CENPN: variants seen among roughly 807,000 people sequenced by gnomAD.
CENPN encodes interphase centromere complex protein 32.
CENPN carries 36 observed loss-of-function variants against 48.6 expected under a neutral mutation model. The ratio of observed to expected loss-of-function variants is 0.74; its 90% CI spans 0.57 to 0.98. The LOEUF (loss-of-function observed/expected upper bound fraction) is 0.98, where lower values mean the gene tolerates loss of function less well. Among genes scored for constraint, CENPN ranks in the 50% least tolerant of loss-of-function variants. The pLI is 0.00. For synonymous variants in CENPN, 166 were observed against 135.2 expected (o/e 1.23, Z -1.58); for missense variants, 439 against 399.2 (o/e 1.10, Z -0.85).
intron 2 of CENPN, among the ~76,000 whole-genome samples, chr16:81,013,850 T>TAGG (rs945224321): frequency 1.3e-5 from 2 of 152,182 alleles, no homozygotes; most frequent in Admixed American, 1.3e-4. Flanking sequence ...ACTTTAAAAA[T>TAGG]ATACAGTTTA....
In CENPN at chr16:81,014,192, G is replaced by A. The variant is rs1205207677; in HGVS notation, c.217+11G>A. 1 of 1,609,576 alleles carries A rather than the reference G, an allele frequency of 6.2e-7. No individual in the cohort carries two copies. Among genetic ancestry groups the A allele is most frequent in the South Asian group, 1.1e-5 (1 of 91,034 alleles). ...TGTTAGACATCATTTGTAAGTGTCA[G>A]TGATTTGTATTTATACTTAACCAAT... On this transcript the variant is annotated intron_variant, in intron 3 of 10. Transcript: ENST00000305850.
In CENPN at chr16:81,030,489, C is replaced by T; in HGVS notation, c.*1838C>T. ...CTGGGCCGGGTGTAGTGGCTCACGC[C>T]TGTAATCCTAGCACTTTGGGAAGCC... On this transcript the variant is annotated 3_prime_UTR_variant, in exon 11 of 11. Coordinates refer to ENST00000305850, the MANE Select transcript of CENPN (RefSeq NM_001100624.3). The T allele has an allele frequency of 1.3e-6, 1 of 789,036 alleles. No homozygotes were observed. Among genetic ancestry groups the T allele is most frequent in the Non-Finnish European group, 1.5e-6 (1 of 650,826 alleles). The allele number at this position is 789,036 out of a possible 1,614,324, so 48.9% of individuals were successfully genotyped here. A position where few individuals can be genotyped will look rare whatever the true frequency, so the allele number is the denominator to read the frequency against.
chr16:81,017,824 C>T lies in CENPN; in HGVS notation c.344C>T (p.Ala115Val), dbSNP rs1969997223. Reference protein sequence around the residue: ...KNSFKKILQRALKNVTVSFRE... With the variant: ...KNSFKKILQRVLKNVTVSFRE... ...TCGTTCAAGAAAATTCTTCAGAGAG[C>T]ATTAAAAAATGTAAGAATAAAATTC... Residue 115 changes from alanine (A) to valine (V), a missense_variant, in exon 5 of 11, where the codon GCA (alanine) becomes GTA (valine). Coordinates refer to ENST00000305850, the MANE Select transcript of CENPN (RefSeq NM_001100624.3). 33 of 1,538,768 alleles carry T rather than the reference C, an allele frequency of 2.1e-5. No homozygotes were observed. Among genetic ancestry groups the T allele is most frequent in the Non-Finnish European group, 2.8e-5 (32 of 1,125,108 alleles).
intron 10 of CENPN, 105 bp downstream of exon 10, chr16:81,028,402 G>A: frequency 6.7e-7 from 1 of 1,499,240 alleles, no homozygotes; most frequent in African/African-American, 1.4e-5. Context: ...ACCCTAGTCT[G>A]CTAGCCCATC....
chr16:81,018,361 A>T (rs1018451887), intron 5 of CENPN, among the ~76,000 whole-genome samples: 1 of 151,960 alleles, frequency 6.6e-6, no homozygotes, highest in Non-Finnish European at 1.5e-5. Flanking sequence ...TTTAGTAGTG[A>T]TGGGGTTTCT....
chr16:81,019,634 A>T lies in CENPN; in HGVS notation c.355-466A>T, dbSNP rs1970089138. Among the ~76,000 whole-genome samples, 4 of 152,050 alleles carry T rather than the reference A, an allele frequency of 2.6e-5. No homozygotes were observed. The South Asian group carries it at 6.2e-4, about 24-fold the overall frequency. The stretch of plus-strand genomic sequence containing the variant: ...ATTTGTAAGGCTGCCTTACCTCATA[A>T]ATTCTTACGTAAGGAGGAACAGTTT... On this transcript the variant is annotated intron_variant, in intron 5 of 10. Coordinates refer to ENST00000305850, the MANE Select transcript of CENPN (RefSeq NM_001100624.3).
chr16:81,028,915 A>G lies in CENPN; in HGVS notation c.*264A>G. 1.8e-6 allele frequency: 2 copies of G among 1,127,358 alleles called. No homozygotes were observed. The highest frequency in any genetic ancestry group is 2.2e-6 in the Non-Finnish European group (2 of 921,910). 69.8% of individuals were successfully genotyped at this position (1,127,358 alleles called of 1,614,324 possible). ...ATATATGGCCCCACACTTGACCTTG[A>G]GTGCCTGAATGCTCTGAAATCAAGC... is the stretch of plus-strand genomic sequence containing the variant. On this transcript the variant is annotated 3_prime_UTR_variant, in exon 11 of 11. Coordinates refer to ENST00000305850, the MANE Select transcript of CENPN (RefSeq NM_001100624.3).
At chr16:81,026,069 A>ATATATATGTGTGTG (rs558476841) in intron 8 of CENPN, among the ~76,000 whole-genome samples, 1 of 136,702 alleles carries the variant, frequency 7.3e-6, no homozygotes, top group Non-Finnish European at 1.5e-5. Flanking sequence ...ATATATATAT[A>ATATATATGTGTGTG]TGTGTGTGTG....
At chr16:81,013,297 A>T (rs1038154660) in intron 2 of CENPN, among the ~76,000 whole-genome samples, 2 of 152,270 alleles carry the variant, frequency 1.3e-5, no homozygotes, top group African/African-American at 4.8e-5. Context: ...CACTTATGTT[A>T]ACATTCATAT....
Position 81,030,136 on chromosome 16 carries a change from G to A in CENPN, c.*1485G>A. 1 of 907,066 alleles carries A rather than the reference G, an allele frequency of 1.1e-6. No individual in the cohort carries two copies. Among genetic ancestry groups the A allele is most frequent in the Non-Finnish European group, 1.3e-6 (1 of 758,782 alleles). 56.2% of individuals were successfully genotyped at this position (907,066 alleles called of 1,614,324 possible). On this transcript the variant is annotated 3_prime_UTR_variant, in exon 11 of 11. Coordinates refer to ENST00000305850, the MANE Select transcript of CENPN (RefSeq NM_001100624.3). Reference sequence around the variant, plus strand: ...CCCATGACTCAAGTATCTCCACCTGGCCCTGCCCTTGTCACATGGGGGTTA... The same window carrying A: ...CCCATGACTCAAGTATCTCCACCTGACCCTGCCCTTGTCACATGGGGGTTA...
In CENPN at chr16:81,031,192, A is replaced by G. The variant is rs1970758229; in HGVS notation, c.*2541A>G. 6.6e-6 allele frequency: 1 copy of G among 152,004 alleles called. No homozygotes were observed. The highest frequency in any genetic ancestry group is 2.4e-5 in the African/African-American group (1 of 41,372). The allele number at this position is 152,004 out of a possible 1,614,324, so 9.4% of individuals were successfully genotyped here. ...AAAAGCTCCAAAAAAAAAACAATAC[A>G]GGAGCTTACCTTGAACCTTTGAATT... is the stretch of plus-strand genomic sequence containing the variant. On this transcript the variant is annotated 3_prime_UTR_variant, in exon 11 of 11. Coordinates refer to ENST00000305850, the MANE Select transcript of CENPN (RefSeq NM_001100624.3).
chr16:81,026,226 C>T (rs114040028), intron 8 of CENPN, among the ~76,000 whole-genome samples: 2,131 of 147,672 alleles, frequency 0.014, 44 homozygotes, highest in African/African-American at 0.05. Flanking sequence ...TATATATACA[C>T]ATATATGCAT....
At chr16:81,012,585 T>G (rs1391470615) in intron 2 of CENPN, among the ~76,000 whole-genome samples, 1 of 152,188 alleles carries the variant, frequency 6.6e-6, no homozygotes, top group Non-Finnish European at 1.5e-5. Context: ...TCTCCTTCAC[T>G]TTTATTTATT....
chr16:81,019,602 GTA>G (rs1415491676), intron 5 of CENPN, among the ~76,000 whole-genome samples: 1 of 152,024 alleles, frequency 6.6e-6, no homozygotes, highest in African/African-American at 2.4e-5. Context: ...TATAAAACAA[GTA>G]TCTCATTTGT....
intron 2 of CENPN, among the ~76,000 whole-genome samples, chr16:81,013,701 A>G (rs1188036612): frequency 6.6e-6 from 1 of 152,146 alleles, no homozygotes; most frequent in South Asian, 2.1e-4. Context: ...TGCTTGGGCA[A>G]TAGAGCAAGA....
intron 9 of CENPN, 145 bp downstream of exon 9, chr16:81,026,783 A>C (rs1484544337): frequency 2.2e-6 from 1 of 447,662 alleles, no homozygotes; most frequent in Non-Finnish European, 4.1e-6. Flanking sequence ...AATTAAATAG[A>C]CCTCTTTATT....
Position 81,017,789 on chromosome 16 carries a change from A to G in CENPN, c.309A>G (p.Gln103=), listed in dbSNP as rs1051231491. ...GEDVDLFDMK[Q]FKNSFKKILQ... ...ATGTTGACCTTTTTGATATGAAACA[A>G]TTTAAAAATTCGTTCAAGAAAATTC... is the stretch of plus-strand genomic sequence containing the variant. The change falls in exon 5 of 11, where the codon CAA becomes CAG. Residue 103 remains glutamine, a synonymous_variant. Transcript: ENST00000305850. The G allele has an allele frequency of 1.9e-6, 3 of 1,586,580 alleles. No homozygotes were observed. Among genetic ancestry groups the G allele is most frequent in the Non-Finnish European group, 1.7e-6 (2 of 1,169,756 alleles).
At chr16:81,011,871 A>C in intron 1 of CENPN, 59 bp from the exon 2 acceptor site, 1 of 1,391,558 alleles carries the variant, frequency 7.2e-7, no homozygotes, top group East Asian at 2.3e-5. Flanking sequence ...GTGTAAATAA[A>C]GACAGACAAG....
intron 3 of CENPN, among the ~76,000 whole-genome samples, chr16:81,015,203 G>T (rs1434057642): frequency 1.3e-5 from 2 of 151,984 alleles, no homozygotes; most frequent in African/African-American, 4.8e-5. Context: ...ATTGATTTTT[G>T]TCTAGCTTTC....
Sources: gnomAD v4.1 joint callset for allele counts (sites outside exome capture counted in the v4.1 genomes callset) on GRCh38, gnomAD v4.1.1 for gene constraint, MANE v1.5 for transcripts, NCBI Gene and HGNC (gene_info 2026-07-23, HGNC 2026-07-21) for gene names.